Variants in PCDHA8 observed in about 807,000 individuals in gnomAD.
PCDHA8 encodes protocadherin alpha 8.
In PCDHA8, 53 loss-of-function variants were observed where a neutral mutation model predicts 61.8. The ratio of observed to expected loss-of-function variants is 0.86; its 90% CI spans 0.69 to 1.08. The LOEUF (loss-of-function observed/expected upper bound fraction) is 1.08, where lower values mean the gene tolerates loss of function less well. Among genes scored for constraint, PCDHA8 ranks in the 50% least tolerant of loss-of-function variants. PCDHA8 has a pLI of 0.00. For synonymous variants in PCDHA8, 618 were observed against 556.6 expected (o/e 1.11, Z -1.55); for missense variants, 1,293 against 1,245.0 (o/e 1.04, Z -0.58).
intron 1 of PCDHA8, chr5:140,858,330 G>A: frequency 6.3e-7 from 1 of 1,596,082 alleles, no homozygotes. Context: ...TCTGGGGAGG[G>A]CCTGCCCAAG....
At chr5:140,882,013 A>G (rs2058902739) in intron 1 of PCDHA8, 1 of 534,534 alleles carries the variant, frequency 1.9e-6, no homozygotes, top group African/African-American at 1.9e-5. Flanking sequence ...GCAAAAAAAT[A>G]CTACATCAAT....
Position 140,849,766 on chromosome 5 carries a change from T to C in PCDHA8, c.2394+6051T>C. 1.9e-6 allele frequency: 3 copies of C among 1,598,326 alleles called. 1 individual carries two copies. Among genetic ancestry groups the C allele is most frequent in the Middle Eastern group, 1.7e-4 (1 of 5,858 alleles). On this transcript the variant is annotated intron_variant, in intron 1 of 3. Coordinates refer to ENST00000531613, the MANE Select transcript of PCDHA8 (RefSeq NM_018911.3). The stretch of plus-strand genomic sequence containing the variant: ...GAGAGTGTGTCCGCCTACGAGCTGG[T>C]GGTTACCGCGCGGGACGGGGGCTCG...
intron 1 of PCDHA8, among the ~76,000 whole-genome samples, chr5:140,907,353 A>C (rs1312030991): frequency 3.3e-5 from 5 of 152,234 alleles, no homozygotes; most frequent in Non-Finnish European, 7.3e-5. Flanking sequence ...CCGCTGCTGC[A>C]CTTCTTTAGT....
At chr5:140,974,335 G>T (rs1481372488) in intron 1 of PCDHA8, among the ~76,000 whole-genome samples, 2 of 152,158 alleles carry the variant, frequency 1.3e-5, no homozygotes, top group African/African-American at 4.8e-5. Context: ...GTGCTAGCAG[G>T]CTATGCATCC....
At chr5:140,981,019 T>A (rs1396794400) in intron 2 of PCDHA8, among the ~76,000 whole-genome samples, 1 of 152,242 alleles carries the variant, frequency 6.6e-6, no homozygotes, top group East Asian at 1.9e-4. Context: ...ACTTGAAGGC[T>A]GTTAATATTT....
Position 141,010,554 on chromosome 5 carries a change from C to G in PCDHA8, c.*617C>G. On this transcript the variant is annotated 3_prime_UTR_variant, in exon 4 of 4. Transcript: ENST00000531613. ...CACCCTCTAGGAGACAAAACTACCC[C>G]CACTGACAAGGCTTTAGGAGACCCT... The G allele has an allele frequency of 3.1e-6, 1 of 322,198 alleles. No individual in the cohort carries two copies. The highest frequency in any genetic ancestry group is 9.3e-4 in the Middle Eastern group (1 of 1,074). 20.0% of individuals were successfully genotyped at this position (322,198 alleles called of 1,614,324 possible).
At chr5:140,917,335 G>GGGGGGGGGGT in intron 1 of PCDHA8, among the ~76,000 whole-genome samples, 2 of 146,518 alleles carry the variant, frequency 1.4e-5, no homozygotes, top group Non-Finnish European at 3.1e-5. Flanking sequence ...GGGGGAGGGG[G>GGGGGGGGGGT]GGGATGGTGT....
chr5:140,846,378 T>C (rs1033282132), intron 1 of PCDHA8, among the ~76,000 whole-genome samples: 4 of 135,270 alleles, frequency 3.0e-5, no homozygotes, highest in Middle Eastern at 3.8e-3. Flanking sequence ...TCTTTCTTTT[T>C]TTTTTTTTTT....
chr5:140,940,164 A>G (rs2092564000), intron 1 of PCDHA8, among the ~76,000 whole-genome samples: 1 of 152,170 alleles, frequency 6.6e-6, no homozygotes, highest in Non-Finnish European at 1.5e-5. Context: ...TTTGCCTGAA[A>G]TGTCATTCTT....
chr5:140,848,428 C>A lies in PCDHA8; in HGVS notation c.2394+4713C>A, dbSNP rs2150410339. 6.6e-5 allele frequency: 95 copies of A among 1,449,944 alleles called. 7 individuals are homozygous for A. The highest frequency in any genetic ancestry group is 8.7e-5 in the Non-Finnish European group (92 of 1,058,798). The allele number at this position is 1,449,944 out of a possible 1,614,324, so 89.8% of individuals were successfully genotyped here. A position where few individuals can be genotyped will look rare whatever the true frequency, so the allele number is the denominator to read the frequency against. On this transcript the variant is annotated intron_variant, in intron 1 of 3. Transcript: ENST00000531613. ...GGCGAACACAGCAGAATGGGACTGA[C>A]GAAATCAGATGATTTCTTCTAATTT...
intron 3 of PCDHA8, among the ~76,000 whole-genome samples, chr5:140,985,006 C>T (rs892412151): frequency 1.3e-5 from 2 of 151,922 alleles, no homozygotes; most frequent in South Asian, 2.1e-4. Context: ...GGCACGATAT[C>T]GGCTCACAGC....
At chr5:140,926,899 G>A (rs1554203765) in intron 1 of PCDHA8, 2 of 1,552,028 alleles carry the variant, frequency 1.3e-6, no homozygotes, top group Non-Finnish European at 1.7e-6. Context: ...GAGGATGGTG[G>A]GCTGTGGGGT....
chr5:140,876,411 T>C (rs782457800), intron 1 of PCDHA8: 1 of 1,613,974 alleles, frequency 6.2e-7, no homozygotes, highest in South Asian at 1.1e-5. Flanking sequence ...TTGAAGAGAA[T>C]AATGCCTATG....
chr5:140,933,653 G>GTC (rs1245688430), intron 1 of PCDHA8, among the ~76,000 whole-genome samples: 13 of 151,864 alleles, frequency 8.6e-5, no homozygotes, highest in African/African-American at 2.7e-4. Flanking sequence ...TGGAAATCCT[G>GTC]TCTCTCTCTC....
At chr5:140,875,463 A>G in intron 1 of PCDHA8, 1 of 1,599,288 alleles carries the variant, frequency 6.3e-7, no homozygotes, top group Non-Finnish European at 8.5e-7. Context: ...AGAGGCCCTC[A>G]TTTTCTGCAA....
intron 1 of PCDHA8, chr5:140,883,585 C>G: frequency 6.2e-7 from 1 of 1,614,028 alleles, no homozygotes; most frequent in Non-Finnish European, 8.5e-7. Flanking sequence ...GGGCCACGGC[C>G]AGCGTGTCGG....
intron 1 of PCDHA8, chr5:140,883,026 A>C (rs1562783010): frequency 6.2e-7 from 1 of 1,614,190 alleles, no homozygotes; most frequent in Non-Finnish European, 8.5e-7. Context: ...ACGGTGTTAG[A>C]GAACGCCTTC....
At chr5:140,871,141 C>A (rs1431247385) in intron 1 of PCDHA8, 2 of 1,613,438 alleles carry the variant, frequency 1.2e-6, no homozygotes, top group Non-Finnish European at 1.7e-6. Context: ...GGCCTCTTCC[C>A]GGACTTTGGC....
rs1554225842 is a variant in PCDHA8 at position 140,962,164 on chromosome 5, C to T, written c.2395-16785C>T. Among the ~76,000 whole-genome samples the T allele has an allele frequency of 2.0e-5, 3 of 152,236 alleles. No individual in the cohort carries two copies. In the South Asian group the frequency reaches 6.2e-4, roughly 32 times the overall value. On this transcript the variant is annotated intron_variant, in intron 1 of 3. Transcript: ENST00000531613. ...TGCTGGGATTACAGGCGTGAGCCAC[C>T]ACACCCGGCCACTTATATCACTTTT...
Sources: gnomAD v4.1 joint callset for allele counts (sites outside exome capture counted in the v4.1 genomes callset) on GRCh38, gnomAD v4.1.1 for gene constraint, MANE v1.5 for transcripts, NCBI Gene and HGNC (gene_info 2026-07-23, HGNC 2026-07-21) for gene names.